Variants in SYCP1 observed in about 807,000 individuals in gnomAD.
SYCP1 encodes cancer/testis antigen 8.
In SYCP1, 64 loss-of-function variants were observed where a neutral mutation model predicts 153.1. The observed-to-expected ratio is 0.42, with a 90% CI of 0.34 to 0.51. The LOEUF (loss-of-function observed/expected upper bound fraction) is 0.51, where lower values mean the gene tolerates loss of function less well. SYCP1 is among the 20% of genes least tolerant of loss of function. The pLI, the probability that SYCP1 is intolerant of heterozygous loss-of-function variation, is 0.06. For missense variants in SYCP1, 997 were observed against 1,049.0 expected (o/e 0.95, Z 0.68); for synonymous variants, 384 against 341.8 (o/e 1.12, Z -1.36).
intron 27 of SYCP1, among the ~76,000 whole-genome samples, chr1:114,956,514 A>C (rs553722388): frequency 2.6e-5 from 4 of 152,224 alleles, no homozygotes; most frequent in African/African-American, 9.6e-5. Flanking sequence ...TCCAACCCAC[A>C]GCAGATCCTG....
At chr1:114,866,195 C>T (rs1399156326) in intron 8 of SYCP1, among the ~76,000 whole-genome samples, 4 of 151,842 alleles carry the variant, frequency 2.6e-5, no homozygotes, top group African/African-American at 4.8e-5. Flanking sequence ...GAGTAAATAC[C>T]AAGGAGCACA....
intron 27 of SYCP1, 152 bp from the exon 28 acceptor site, chr1:114,977,405 C>A (rs550524905): frequency 1.0e-4 from 49 of 474,054 alleles, no homozygotes; most frequent in Middle Eastern, 1.2e-3. Context: ...TAGAAAGGAA[C>A]TAACTTTTCT....
chr1:114,899,547 C>A (rs1178947682), intron 16 of SYCP1, among the ~76,000 whole-genome samples: 1 of 152,174 alleles, frequency 6.6e-6, no homozygotes, highest in Non-Finnish European at 1.5e-5. Flanking sequence ...TATAAACCAT[C>A]TTTTGAAAAG....
Position 114,981,429 on chromosome 1 carries a change from T to C in SYCP1, c.2476T>C (p.Ser826Pro). ...ACAAACTGTATCTCGAAATTTCACA[T>C]CAGTTGATCATGGCATATCCAAAGA... ...PSQTVSRNFTSVDHGISKDKR... is the reference protein window; with the variant it reads ...PSQTVSRNFTPVDHGISKDKR... Residue 826 changes from serine (S) to proline (P), a missense_variant, in exon 29 of 32, where the codon TCA becomes CCA. Transcript: ENST00000369522. 1.9e-6 allele frequency: 3 copies of C among 1,610,546 alleles called. No homozygotes were observed. Among genetic ancestry groups the C allele is most frequent in the Non-Finnish European group, 1.7e-6 (2 of 1,178,562 alleles).
rs551003765 is a variant in SYCP1, at chr1:114,894,953, C to T, written c.1259-495C>T. Among the ~76,000 whole-genome samples the T allele has an allele frequency of 8.5e-5, 13 of 152,060 alleles. No homozygotes were observed. The East Asian group carries it at 1.5e-3, about 18-fold the overall frequency. On this transcript the variant is annotated intron_variant, in intron 15 of 31. Coordinates refer to ENST00000369522, the MANE Select transcript of SYCP1 (RefSeq NM_003176.4). Reference sequence around the variant, plus strand: ...TTTATAATCAAATAGAATGTTTAGACGAGATAAGGGAAATTAAAGATTCCT... The same window carrying T: ...TTTATAATCAAATAGAATGTTTAGATGAGATAAGGGAAATTAAAGATTCCT...
At chr1:114,969,200 C>T (rs981280670) in intron 27 of SYCP1, among the ~76,000 whole-genome samples, 4 of 152,164 alleles carry the variant, frequency 2.6e-5, no homozygotes, top group South Asian at 4.1e-4. Context: ...TAGCAGAACT[C>T]GAGCACTGTG....
intron 27 of SYCP1, among the ~76,000 whole-genome samples, chr1:114,964,201 C>T (rs972790669): frequency 2.0e-5 from 3 of 152,050 alleles, no homozygotes; most frequent in African/African-American, 7.2e-5. Flanking sequence ...ATATCCTTTG[C>T]CCACTTTTTG....
intron 23 of SYCP1, among the ~76,000 whole-genome samples, chr1:114,938,184 T>A (rs1236126120): frequency 6.6e-6 from 1 of 152,114 alleles, no homozygotes; most frequent in Non-Finnish European, 1.5e-5. Context: ...TAAGAAAATG[T>A]GGCACATATA....
chr1:114,921,595 C>G (rs1668884433), intron 20 of SYCP1, among the ~76,000 whole-genome samples: 1 of 150,262 alleles, frequency 6.7e-6, no homozygotes, highest in Admixed American at 6.6e-5. Context: ...AGGAGAATTG[C>G]TTGAATCTGG....
At position 114,878,117 on chromosome 1, in the gene SYCP1, C is replaced by A. The variant is rs1665666542; in HGVS notation, c.825C>A (p.Ile275=). The change falls in exon 12 of 32, where the codon ATC becomes ATA. Residue 275 remains isoleucine, a synonymous_variant. Transcript: ENST00000369522. ...EKQVSLLLIQ[I]TEKENKMKDL... is the part of the protein sequence containing the mutation. ...AGGTATCACTACTATTGATCCAAAT[C>A]ACTGAGAAAGAAAATAAAATGAAAG... The A allele has an allele frequency of 1.3e-6, 2 of 1,579,766 alleles. No homozygotes were observed. The highest frequency in any genetic ancestry group is 1.1e-5 in the South Asian group (1 of 88,738).
intron 14 of SYCP1, among the ~76,000 whole-genome samples, chr1:114,886,865 A>T (rs1300252551): frequency 6.6e-6 from 1 of 152,032 alleles, no homozygotes; most frequent in East Asian, 1.9e-4. Flanking sequence ...ATTTCATCTA[A>T]ATAGCAGTTT....
intron 27 of SYCP1, among the ~76,000 whole-genome samples, chr1:114,951,784 T>C (rs1388964784): frequency 6.6e-6 from 1 of 152,156 alleles, no homozygotes; most frequent in Admixed American, 6.5e-5. Flanking sequence ...CATATTGCCC[T>C]TTTATAGCCA....
At chr1:114,882,817 T>G (rs1193620637) in intron 12 of SYCP1, among the ~76,000 whole-genome samples, 1 of 152,180 alleles carries the variant, frequency 6.6e-6, no homozygotes, top group Non-Finnish European at 1.5e-5. Context: ...ACGCTTGGGG[T>G]GTCCTGAACT....
At chr1:114,860,449 G>A (rs900743845) in intron 7 of SYCP1, among the ~76,000 whole-genome samples, 1 of 152,084 alleles carries the variant, frequency 6.6e-6, no homozygotes, top group South Asian at 2.1e-4. Flanking sequence ...AGCAACTTGG[G>A]TAGAAACTTG....
intron 5 of SYCP1, 62 bp from the exon 6 acceptor site, chr1:114,858,485 C>G: frequency 7.3e-7 from 1 of 1,371,264 alleles, no homozygotes; most frequent in East Asian, 2.3e-5. Flanking sequence ...TTTCAGTAGG[C>G]AGCTGTAGTT....
intron 23 of SYCP1, among the ~76,000 whole-genome samples, chr1:114,931,159 C>T (rs1008783239): frequency 2.0e-5 from 3 of 151,880 alleles, no homozygotes; most frequent in African/African-American, 7.2e-5. Flanking sequence ...CTACAAAATA[C>T]CTACAGTTAG....
chr1:114,855,240 A>G, intron 1 of SYCP1: 1 of 285,524 alleles, frequency 3.5e-6, no homozygotes, highest in African/African-American at 2.2e-5. Context: ...GTAGGGCGAA[A>G]GGGAGAAGGA....
chr1:114,953,312 A>C (rs1307388660), intron 27 of SYCP1, among the ~76,000 whole-genome samples: 1 of 152,178 alleles, frequency 6.6e-6, no homozygotes, highest in East Asian at 1.9e-4. Context: ...CAAGTTTTTA[A>C]TCTTGATAAA....
At chr1:114,927,844 A>G (rs1292996450) in intron 23 of SYCP1, among the ~76,000 whole-genome samples, 1 of 152,298 alleles carries the variant, frequency 6.6e-6, no homozygotes, top group African/African-American at 2.4e-5. Flanking sequence ...TTTGAGACAG[A>G]GTCTCACTCT....
Sources: gnomAD v4.1 joint callset for allele counts (sites outside exome capture counted in the v4.1 genomes callset) on GRCh38, gnomAD v4.1.1 for gene constraint, MANE v1.5 for transcripts, NCBI Gene and HGNC (gene_info 2026-07-23, HGNC 2026-07-21) for gene names.